GLG1: variants seen among roughly 807,000 people sequenced by gnomAD.
GLG1 encodes the protein Golgi apparatus protein 1.
In GLG1, 38 loss-of-function variants were observed where a neutral mutation model predicts 160.5. The observed-to-expected ratio is 0.24, with a 90% CI of 0.18 to 0.31. GLG1 has a LOEUF of 0.31. Among genes scored for constraint, GLG1 ranks in the 10% least tolerant of loss-of-function variants. The pLI is 1.00. For missense variants in GLG1, 1,373 were observed against 1,505.2 expected (o/e 0.91, Z 1.45); for synonymous variants, 644 against 543.4 (o/e 1.19, Z -2.57).
chr16:74,566,522 A>G (rs764740896), intron 1 of GLG1, among the ~76,000 whole-genome samples: 7 of 151,992 alleles, frequency 4.6e-5, no homozygotes, highest in Non-Finnish European at 7.4e-5. Context: ...TCTTTTTCCA[A>G]TGTTGTTTAG....
chr16:74,535,587 G>A (rs553078627), intron 1 of GLG1, among the ~76,000 whole-genome samples: 1 of 152,210 alleles, frequency 6.6e-6, no homozygotes, highest in East Asian at 1.9e-4. Flanking sequence ...TATGTGCCAT[G>A]ATAGCTGGTT....
intron 2 of GLG1, among the ~76,000 whole-genome samples, chr16:74,528,010 G>A (rs556030724): frequency 3.1e-4 from 47 of 149,592 alleles, no homozygotes; most frequent in African/African-American, 1.0e-3. Flanking sequence ...TCAGCCTCCC[G>A]AGCAGCTGGG....
intron 4 of GLG1, 127 bp downstream of exon 4, chr16:74,503,404 G>A: frequency 1.4e-6 from 1 of 691,168 alleles, no homozygotes; most frequent in Non-Finnish European, 2.6e-6. Context: ...AGGGCTGTCT[G>A]GACAAGTTTC....
chr16:74,549,518 C>G (rs1261752524), intron 1 of GLG1, among the ~76,000 whole-genome samples: 1 of 152,208 alleles, frequency 6.6e-6, no homozygotes, highest in Non-Finnish European at 1.5e-5. Context: ...GATCTCCTGA[C>G]CTCGTGATCC....
chr16:74,500,366 T>G (rs1720658825), intron 4 of GLG1, among the ~76,000 whole-genome samples: 1 of 152,182 alleles, frequency 6.6e-6, no homozygotes, highest in Non-Finnish European at 1.5e-5. Flanking sequence ...GAAAAACATC[T>G]GCTTAAAATC....
intron 1 of GLG1, among the ~76,000 whole-genome samples, chr16:74,598,017 G>A (rs1958348247): frequency 6.6e-6 from 1 of 151,856 alleles, no homozygotes; most frequent in African/African-American, 2.4e-5. Flanking sequence ...ACTCTGTCTC[G>A]AAAACAAAAT....
intron 24 of GLG1, 78 bp from the exon 25 acceptor site, chr16:74,456,833 G>C: frequency 1.1e-6 from 1 of 870,266 alleles, no homozygotes; most frequent in Non-Finnish European, 1.9e-6. Context: ...GAGGAAGAGG[G>C]TGCACAACCA....
intron 2 of GLG1, among the ~76,000 whole-genome samples, chr16:74,509,601 G>A (rs2016735461): frequency 6.6e-6 from 1 of 151,964 alleles, no homozygotes; most frequent in Admixed American, 6.6e-5. Flanking sequence ...TGTAATCCCA[G>A]CACTTTGGGA....
At chr16:74,592,090 G>T (rs10400930) in intron 1 of GLG1, among the ~76,000 whole-genome samples, 111,278 of 152,182 alleles carry the variant, frequency 0.73, 41,199 homozygotes, top group African/African-American at 0.84. Context: ...CACCTTGGCC[G>T]CCTAAAGTGC....
rs372031764 is a variant in GLG1 at position 74,456,640 on chromosome 16, G to A, written c.3372+9C>T. The A allele has an allele frequency of 6.5e-7, 1 of 1,547,466 alleles. No homozygotes were observed. Among genetic ancestry groups the A allele is most frequent in the Non-Finnish European group, 8.9e-7 (1 of 1,126,662 alleles). On this transcript the variant is annotated intron_variant, in intron 25 of 25. Coordinates refer to ENST00000422840, the MANE Select transcript of GLG1 (RefSeq NM_001145667.2). ...TTTTTTTAAAAAAGGAGATTCTCTT[G>A]GTCATTACCTTTGCTGCGTAACTCC...
At chr16:74,519,104 G>C (rs1362661262) in intron 2 of GLG1, among the ~76,000 whole-genome samples, 1 of 152,174 alleles carries the variant, frequency 6.6e-6, no homozygotes, top group African/African-American at 2.4e-5. Context: ...ATCAATGATA[G>C]ACTGGATTAA....
chr16:74,556,149 T>C (rs6564142), intron 1 of GLG1, among the ~76,000 whole-genome samples: 102,400 of 152,078 alleles, frequency 0.67, 34,732 homozygotes, highest in East Asian at 0.81. Flanking sequence ...AATCGCCTAC[T>C]TTATATTACA....
At chr16:74,512,754 C>CAG (rs1387105117) in intron 2 of GLG1, among the ~76,000 whole-genome samples, 1 of 150,320 alleles carries the variant, frequency 6.7e-6, no homozygotes, top group Non-Finnish European at 1.5e-5. Context: ...AAGGAAGAGT[C>CAG]AGGTTGGAAA....
intron 2 of GLG1, among the ~76,000 whole-genome samples, chr16:74,526,554 T>C (rs1456219540): frequency 1.3e-5 from 2 of 149,542 alleles, no homozygotes; most frequent in East Asian, 3.9e-4. Flanking sequence ...TGAAACCCCA[T>C]CTCTACAAAA....
intron 1 of GLG1, among the ~76,000 whole-genome samples, chr16:74,560,006 C>A (rs1057297098): frequency 3.3e-5 from 5 of 152,134 alleles, no homozygotes; most frequent in Non-Finnish European, 2.9e-5. Context: ...AACTAAAGAA[C>A]CAACAATGGT....
intron 1 of GLG1, among the ~76,000 whole-genome samples, chr16:74,535,724 T>C (rs1285458384): frequency 6.6e-6 from 1 of 152,216 alleles, no homozygotes; most frequent in African/African-American, 2.4e-5. Context: ...CATGAGCCAG[T>C]ATGCCCAGCT....
At chr16:74,561,305 C>T (rs1387508241) in intron 1 of GLG1, among the ~76,000 whole-genome samples, 6 of 152,248 alleles carry the variant, frequency 3.9e-5, no homozygotes, top group Non-Finnish European at 5.9e-5. Context: ...ATGTCTTTAA[C>T]CATGATCATT....
chr16:74,497,899 G>A (rs1433956255), intron 4 of GLG1, among the ~76,000 whole-genome samples: 1 of 152,082 alleles, frequency 6.6e-6, no homozygotes, highest in African/African-American at 2.4e-5. Flanking sequence ...ATCTTAATGG[G>A]ATTTAACAAG....
chr16:74,472,474 G>T, intron 13 of GLG1, 63 bp from the exon 14 acceptor site: 1 of 1,388,746 alleles, frequency 7.2e-7, no homozygotes, highest in Non-Finnish European at 1.0e-6. Context: ...AGGAGGAGCA[G>T]TTTCTCTTTC....
Sources: allele counts gnomAD v4.1 joint callset (sites outside exome capture counted in the v4.1 genomes callset), GRCh38; gene constraint gnomAD v4.1.1; transcripts MANE v1.5; gene names NCBI Gene and HGNC (gene_info 2026-07-23, HGNC 2026-07-21).